MYOM1: variants seen among roughly 807,000 people sequenced by gnomAD.
The protein encoded by MYOM1 is myomesin-1.
Under a neutral mutation model 205.3 loss-of-function variants are expected in MYOM1, and 164 were observed. The ratio of observed to expected loss-of-function variants is 0.80; its 90% confidence interval spans 0.70 to 0.91. The LOEUF (loss-of-function observed/expected upper bound fraction) is 0.91, where lower values mean the gene tolerates loss of function less well. MYOM1 is among the 40% of genes least tolerant of loss of function. The pLI is 0.00. For synonymous variants in MYOM1, 772 were observed against 789.4 expected, an observed-to-expected ratio of 0.98 and a Z score of 0.37; for missense variants, 2,011 against 2,127.3, an observed-to-expected ratio of 0.95 and a Z score of 1.08.
chr18:3,085,661 T>C (rs751454495), intron 30 of MYOM1, among the ~76,000 whole-genome samples: 25 of 152,204 alleles, frequency 1.6e-4, no homozygotes, highest in Non-Finnish European at 2.6e-4. Context: ...TTTATAGTGA[T>C]ATATTTAAAT....
chr18:3,067,183 G>A lies in MYOM1; in HGVS notation c.*79C>T. On this transcript the variant is annotated 3_prime_UTR_variant, in exon 38 of 38. Coordinates refer to ENST00000356443, the MANE Select transcript of MYOM1 (RefSeq NM_003803.4). ...GCCAGAAAATAATAGGGAGGAGAAAGCATGAAGACGTCTCATCCTTAACCC... is the reference window on the plus strand; with the variant it reads ...GCCAGAAAATAATAGGGAGGAGAAAACATGAAGACGTCTCATCCTTAACCC... The A allele has an allele frequency of 7.1e-7, 1 of 1,414,124 alleles. No homozygotes were observed. The highest frequency in any genetic ancestry group is 9.5e-7 in the Non-Finnish European group (1 of 1,050,632). The allele number at this position is 1,414,124 out of a possible 1,614,324, so 87.6% of individuals were successfully genotyped here.
chr18:3,114,954 T>A (rs964172841), intron 21 of MYOM1, among the ~76,000 whole-genome samples: 1 of 151,014 alleles, frequency 6.6e-6, no homozygotes. Context: ...AAACTCTACT[T>A]TTTTTTTTCT....
intron 10 of MYOM1, among the ~76,000 whole-genome samples, chr18:3,162,590 T>A (rs1028803062): frequency 4.6e-5 from 7 of 152,176 alleles, no homozygotes; most frequent in African/African-American, 1.7e-4. Flanking sequence ...ACTAGATCTC[T>A]TCTTATGACT....
chr18:3,168,686 G>A, intron 9 of MYOM1, 131 bp downstream of exon 9: 2 of 856,348 alleles, frequency 2.3e-6, no homozygotes, highest in Non-Finnish European at 3.5e-6. Flanking sequence ...CTACACATGT[G>A]AAAACCTTTT....
At chr18:3,214,012 T>C (rs1352189759) in intron 2 of MYOM1, among the ~76,000 whole-genome samples, 5 of 152,220 alleles carry the variant, frequency 3.3e-5, no homozygotes, top group South Asian at 2.1e-4. Context: ...CTTCATTGCA[T>C]TGGGTCAATA....
At chr18:3,112,483 C>T (rs994098446) in intron 21 of MYOM1, 71 bp from the exon 22 acceptor site, 39 of 1,162,158 alleles carry the variant, frequency 3.4e-5, no homozygotes, top group South Asian at 2.5e-4. Flanking sequence ...TTTAAACAGA[C>T]GGGGCTCTTC....
chr18:3,072,822 G>A (rs533233301), intron 36 of MYOM1, among the ~76,000 whole-genome samples: 111 of 152,240 alleles, frequency 7.3e-4, no homozygotes, highest in South Asian at 5.0e-3. Flanking sequence ...CTGCAGCTTA[G>A]TAGGGCTAAG....
At chr18:3,194,107 A>G in intron 2 of MYOM1, 149 bp from the exon 3 acceptor site, 1 of 832,318 alleles carries the variant, frequency 1.2e-6, no homozygotes, top group South Asian at 2.1e-5. Context: ...GAATTAAAGT[A>G]GAGTTAGAAA....
Position 3,179,173 on chromosome 18 carries a change from CCA to C in MYOM1, c.930-3041_930-3040del, listed in dbSNP as rs375272534. On this transcript the variant is annotated intron_variant, in intron 5 of 37. Coordinates refer to ENST00000356443, the MANE Select transcript of MYOM1 (RefSeq NM_003803.4). This position sits in a 1 kb window ranked among gnomAD's most constrained non-coding sequence, Gnocchi z 4.4. Reference sequence around the variant, plus strand: ...CATGAGCCACTGTGCCTGGCCTGATCCACATTTACTTCTATTCCTACTCCTGA... The same window carrying C: ...CATGAGCCACTGTGCCTGGCCTGATCCATTTACTTCTATTCCTACTCCTGA... Among the ~76,000 whole-genome samples the C allele has an allele frequency of 4.6e-5, 7 of 152,008 alleles. No homozygotes were observed. Among genetic ancestry groups the C allele is most frequent in the Middle Eastern group, 3.4e-3 (1 of 294 alleles).
Position 3,085,139 on chromosome 18 carries a change from G to A in MYOM1, c.4252-7C>T. On this transcript the variant is annotated splice_region_variant and splice_polypyrimidine_tract_variant and intron_variant, in intron 30 of 37. Transcript: ENST00000356443. ...CAGCATCTTTCTTGGAAAACTAAGG[G>A]GGAATAGATATACCACATTGCACCT... 1 of 1,595,724 alleles carries A rather than the reference G, an allele frequency of 6.3e-7. No homozygotes were observed. Among genetic ancestry groups the A allele is most frequent in the South Asian group, 1.1e-5 (1 of 88,590 alleles).
At chr18:3,170,269 G>A (rs2080537888) in intron 8 of MYOM1, among the ~76,000 whole-genome samples, 1 of 152,066 alleles carries the variant, frequency 6.6e-6, no homozygotes, top group Non-Finnish European at 1.5e-5. Flanking sequence ...TGAGAAGAGT[G>A]GAATTGGAAC....
At chr18:3,117,003 T>C (rs1449009126) in intron 20 of MYOM1, among the ~76,000 whole-genome samples, 1 of 152,144 alleles carries the variant, frequency 6.6e-6, no homozygotes, top group Non-Finnish European at 1.5e-5. Context: ...CCTACAAGTG[T>C]GCACCACCAC....
intron 16 of MYOM1, among the ~76,000 whole-genome samples, chr18:3,133,527 C>G (rs1029489229): frequency 6.6e-6 from 1 of 152,150 alleles, no homozygotes; most frequent in African/African-American, 2.4e-5. Flanking sequence ...TTTGGTGTAA[C>G]TATGTCTGCT....
At chr18:3,139,769 C>T (rs1028435495) in intron 14 of MYOM1, among the ~76,000 whole-genome samples, 2 of 152,162 alleles carry the variant, frequency 1.3e-5, no homozygotes, top group Non-Finnish European at 2.9e-5. Context: ...CCCTTCTGTT[C>T]CATGCCAATA....
chr18:3,150,979 CTT>C (rs1164882266), intron 12 of MYOM1, among the ~76,000 whole-genome samples: 121 of 55,902 alleles, frequency 2.2e-3, no homozygotes, highest in African/African-American at 8.3e-3. Flanking sequence ...CCATGCCTGG[CTT>C]TTTTTTTTTT....
Position 3,090,787 on chromosome 18 carries a change from T to C in MYOM1, c.3880A>G (p.Ile1294Val), listed in dbSNP as rs1367768114. Residue 1294 changes from isoleucine to valine, a missense_variant, in exon 27 of 38, where the codon ATT (isoleucine) becomes GTT (valine). Physicochemically the swap from Ile to Val is conservative, Grantham distance 29. Transcript: ENST00000356443. Reference protein sequence around the residue: ...IFEGPKYKMHIDRNTGIIEMF... With the variant: ...IFEGPKYKMHVDRNTGIIEMF... ...TCGATGATGCCAGTGTTTCGGTCAA[T>C]ATGCATTTTATATTTCTTCAGTGTG... 4 of 1,613,824 alleles carry C rather than the reference T, an allele frequency of 2.5e-6. No individual in the cohort carries two copies. Among genetic ancestry groups the C allele is most frequent in the Non-Finnish European group, 3.4e-6 (4 of 1,179,868 alleles).
At chr18:3,131,339 A>G (rs376329366) in intron 17 of MYOM1, 36 bp downstream of exon 17, 29 of 1,606,690 alleles carry the variant, frequency 1.8e-5, no homozygotes, top group Non-Finnish European at 2.3e-5. Context: ...AGAAAAATCC[A>G]TTTTTCCCCC....
intron 4 of MYOM1, 97 bp from the exon 5 acceptor site, chr18:3,187,734 A>C: frequency 8.3e-7 from 1 of 1,208,326 alleles, no homozygotes. Context: ...CAAAAGTTTT[A>C]TTTTTCCATT....
At chr18:3,231,847 CTT>C in the MYOM1 span, among the ~76,000 whole-genome samples, 4,936 of 123,768 alleles carry the variant, frequency 0.04, 314 homozygotes, top group African/African-American at 0.14. Flanking sequence ...CAGCCGCATC[CTT>C]TTTTTTTTTT....
Sources: gnomAD v4.1 joint callset for allele counts (sites outside exome capture counted in the v4.1 genomes callset) on GRCh38, gnomAD v4.1.1 for gene constraint, Gnocchi (gnomAD v3.1) non-coding constraint, MANE v1.5 for transcripts, NCBI Gene and HGNC (gene_info 2026-07-23, HGNC 2026-07-21) for gene names.